STIM1: variants seen among roughly 807,000 people sequenced by gnomAD.
STIM1 encodes the protein stromal interaction molecule 1.
A neutral mutation model predicts 74.7 loss-of-function variants in STIM1; 25 were observed. The ratio of observed to expected loss-of-function variants is 0.33; its 90% CI spans 0.24 to 0.47. The LOEUF (loss-of-function observed/expected upper bound fraction) is 0.47, where lower values mean the gene tolerates loss of function less well. Among genes scored for constraint, STIM1 ranks in the 20% least tolerant of loss-of-function variants. The probability of loss-of-function intolerance (pLI) is 1.00; values close to 1 mark genes in which losing one functional copy is unlikely to be tolerated. For missense variants in STIM1, 728 were observed against 920.8 expected, an observed-to-expected ratio of 0.79 and a Z score of 2.71; for synonymous variants, 328 against 348.8, an observed-to-expected ratio of 0.94 and a Z score of 0.66.
chr11:4,010,706 CCTTT>C (rs1321549070), intron 2 of STIM1, among the ~76,000 whole-genome samples: 3 of 151,176 alleles, frequency 2.0e-5, no homozygotes, highest in East Asian at 3.9e-4. Context: ...ATGGGTTCTG[CCTTT>C]CTTTCTTTCT....
intron 1 of STIM1, among the ~76,000 whole-genome samples, chr11:3,956,808 G>A (rs2093218807): frequency 1.9e-5 from 2 of 104,292 alleles, no homozygotes; most frequent in East Asian, 3.1e-4. Context: ...GGGTGACAGA[G>A]CAAGACCCTG....
intron 2 of STIM1, among the ~76,000 whole-genome samples, chr11:3,996,209 G>A (rs1402868516): frequency 6.6e-6 from 1 of 152,122 alleles, no homozygotes; most frequent in Non-Finnish European, 1.5e-5. Context: ...CTGGAGCTAG[G>A]GTGGGGGACA....
intron 1 of STIM1, among the ~76,000 whole-genome samples, chr11:3,884,717 G>A (rs2091638986): frequency 1.3e-5 from 2 of 152,056 alleles, no homozygotes; most frequent in Admixed American, 1.3e-4. Flanking sequence ...GGGAGGTGGA[G>A]GTTGTGGTGA....
At chr11:3,945,544 A>C (rs1444245492) in intron 1 of STIM1, among the ~76,000 whole-genome samples, 1 of 152,180 alleles carries the variant, frequency 6.6e-6, no homozygotes, top group Non-Finnish European at 1.5e-5. Flanking sequence ...GGTTGCAGTG[A>C]GCCGAGATTG....
chr11:3,874,050 A>G (rs1015510075), intron 1 of STIM1, among the ~76,000 whole-genome samples: 4 of 152,210 alleles, frequency 2.6e-5, no homozygotes, highest in African/African-American at 9.7e-5. Flanking sequence ...AGAAGTTGGC[A>G]CAGAGCTATT....
chr11:3,907,042 G>A (rs952708287), intron 1 of STIM1, among the ~76,000 whole-genome samples: 3 of 152,080 alleles, frequency 2.0e-5, no homozygotes, highest in Non-Finnish European at 4.4e-5. Flanking sequence ...AAGGACAACA[G>A]TAAAGAAGGA....
chr11:4,004,305 T>C (rs1178207086), intron 2 of STIM1, among the ~76,000 whole-genome samples: 8 of 152,072 alleles, frequency 5.3e-5, no homozygotes, highest in Non-Finnish European at 8.8e-5. Context: ...AGAACAAAGC[T>C]GGAGGCATCA....
chr11:3,870,495 C>T (rs1234234279), intron 1 of STIM1, among the ~76,000 whole-genome samples: 2 of 151,958 alleles, frequency 1.3e-5, no homozygotes, highest in Non-Finnish European at 2.9e-5. Flanking sequence ...ACTCTTTTTA[C>T]TTTTTTTTGG....
At chr11:4,018,458 CAA>C (rs1157096857) in intron 2 of STIM1, among the ~76,000 whole-genome samples, 300 of 20,456 alleles carry the variant, frequency 0.015, no homozygotes, top group African/African-American at 0.027. Context: ...GACTCCGTCT[CAA>C]AAAAAAAAAA....
intron 3 of STIM1, among the ~76,000 whole-genome samples, chr11:4,051,477 G>C (rs2094240979): frequency 6.6e-6 from 1 of 151,644 alleles, no homozygotes; most frequent in Non-Finnish European, 1.5e-5. Flanking sequence ...CGAGTAGCTG[G>C]GACTACAGGC....
At chr11:4,053,090 G>A (rs1219466986) in intron 3 of STIM1, among the ~76,000 whole-genome samples, 1 of 152,220 alleles carries the variant, frequency 6.6e-6, no homozygotes, top group Admixed American at 6.5e-5. Context: ...AACAGGTGCT[G>A]GAGAGGACGT....
chr11:3,881,686 A>T (rs2091508020), intron 1 of STIM1, among the ~76,000 whole-genome samples: 1 of 137,238 alleles, frequency 7.3e-6, no homozygotes, highest in African/African-American at 2.8e-5. Context: ...TTTTATTTTT[A>T]TTTATTTATT....
chr11:4,014,859 A>T (rs929129159), intron 2 of STIM1, among the ~76,000 whole-genome samples: 2 of 152,178 alleles, frequency 1.3e-5, no homozygotes, highest in African/African-American at 4.8e-5. Flanking sequence ...TTTATCAGAG[A>T]CTAGGTTTGC....
chr11:4,033,339 G>A (rs866081020), intron 3 of STIM1, among the ~76,000 whole-genome samples: 32 of 152,038 alleles, frequency 2.1e-4, no homozygotes, highest in Non-Finnish European at 2.2e-4. Flanking sequence ...TTGGCGATGC[G>A]GGCTCTTTTT....
At chr11:4,027,348 G>A (rs972993056) in intron 3 of STIM1, among the ~76,000 whole-genome samples, 41 of 152,096 alleles carry the variant, frequency 2.7e-4, no homozygotes, top group African/African-American at 9.9e-4. Context: ...GTCTCACTCT[G>A]TCACCTGGGC....
chr11:3,955,417 A>T (rs780775335), intron 1 of STIM1, among the ~76,000 whole-genome samples: 5 of 152,186 alleles, frequency 3.3e-5, no homozygotes, highest in Non-Finnish European at 5.9e-5. Context: ...TAAGGGTCAA[A>T]AACAGGTAAA....
intron 1 of STIM1, among the ~76,000 whole-genome samples, chr11:3,923,698 C>G (rs6578421): frequency 0.064 from 9,651 of 151,460 alleles, 985 homozygotes; most frequent in African/African-American, 0.21. Flanking sequence ...TGTTTCCACA[C>G]TCTCTATTCT....
intron 1 of STIM1, among the ~76,000 whole-genome samples, chr11:3,870,959 G>T (rs2091067126): frequency 7.2e-6 from 1 of 139,826 alleles, no homozygotes; most frequent in African/African-American, 2.7e-5. Flanking sequence ...TGCAACCTCT[G>T]CCTCCTGGGT....
chr11:4,090,258 T>C (rs1459020346), intron 12 of STIM1, among the ~76,000 whole-genome samples: 1 of 152,202 alleles, frequency 6.6e-6, no homozygotes, highest in Admixed American at 6.5e-5. Flanking sequence ...TGGTATTATC[T>C]TCATTAGGCC....
Sources: allele counts gnomAD v4.1 joint callset (sites outside exome capture counted in the v4.1 genomes callset), GRCh38; gene constraint gnomAD v4.1.1; transcripts MANE v1.5; gene names NCBI Gene and HGNC (gene_info 2026-07-23, HGNC 2026-07-21).